The following ZNF721 variants were observed in gnomAD, a reference collection of about 807,000 sequenced individuals.
ZNF721 encodes the protein zinc finger protein 721.
A neutral mutation model predicts 2.4 loss-of-function variants in ZNF721; 2 were observed. The ratio of observed to expected loss-of-function variants is 0.82; its 90% CI spans 0.34 to 2.58. The LOEUF is 2.58. ZNF721 is among the 30% of genes most tolerant of loss of function. ZNF721 has a pLI of 0.11. For missense variants in ZNF721, 1,187 were observed against 1,085.5 expected, an observed-to-expected ratio of 1.09 and a Z score of -1.31; for synonymous variants, 398 against 381.8, an observed-to-expected ratio of 1.04 and a Z score of -0.50.
intron 1 of ZNF721, among the ~76,000 whole-genome samples, chr4:476,837 CTTA>C (rs1560240047): frequency 6.6e-6 from 1 of 152,124 alleles, no homozygotes. Context: ...AGGAATTTGC[CTTA>C]TTTTAGGAGA....
chr4:441,521 TCA>T lies in ZNF721; in HGVS notation c.*172_*173del. The T allele has an allele frequency of 1.7e-6, 1 of 601,604 alleles. No individual in the cohort carries two copies. The highest frequency in any genetic ancestry group is 2.5e-5 in the South Asian group (1 of 40,244). 37.3% of individuals were successfully genotyped at this position (601,604 alleles called of 1,614,324 possible). ...GATTGAGGTGTGATTAAAAGCCTTC[TCA>T]CATTTTTCACATTTTAGAGTTTCTC... On this transcript the variant is annotated 3_prime_UTR_variant, in exon 3 of 3. Transcript: ENST00000511833.
intron 2 of ZNF721, among the ~76,000 whole-genome samples, chr4:469,943 G>A (rs939787345): frequency 2.6e-5 from 4 of 152,050 alleles, no homozygotes; most frequent in South Asian, 2.1e-4. Context: ...GTGCAGTGGC[G>A]CCATCTCGGC....
chr4:472,132 G>A (rs188458869), intron 2 of ZNF721, among the ~76,000 whole-genome samples: 1 of 152,080 alleles, frequency 6.6e-6, no homozygotes, highest in African/African-American at 2.4e-5. Context: ...GCGCAATCTC[G>A]GCTCACTGCA....
chr4:461,921 GAGAA>G (rs1326152720), intron 2 of ZNF721, among the ~76,000 whole-genome samples: 3 of 152,134 alleles, frequency 2.0e-5, no homozygotes, highest in South Asian at 2.1e-4. Flanking sequence ...AATTAGGCAA[GAGAA>G]AGAAAGAAAG....
chr4:443,924 A>C lies in ZNF721; in HGVS notation c.543T>G (p.Thr181=). 6.2e-7 allele frequency: 1 copy of C among 1,614,078 alleles called. No homozygotes were observed. The part of the protein sequence containing the change: ...GKAFNRSTNL[T]AHKRIHNREK... ...CTCTGTTGTGAATTCTCTTATGTGC[A>C]GTAAGGTTTGTTGACCTATTAAAGG... Residue 181 remains threonine (T), a synonymous_variant, in exon 3 of 3, where the codon ACT becomes ACG. Coordinates refer to ENST00000511833, the MANE Select transcript of ZNF721 (RefSeq NM_133474.4).
chr4:443,080 GT>G lies in ZNF721; in HGVS notation c.1386del (p.Lys462AsnfsTer43). Reference protein sequence around the residue: ...KAFIHSLHLNKHEKIHTGKKP... With the variant: ...KAFIHSLHLNXHEKIHTGKKP... Reference sequence around the variant, plus strand: ...TTCTTTCCAGTATGAATTTTCTCATGTTTATTCAGGTGCAAGGAATGTATAA... The same window carrying G: ...TTCTTTCCAGTATGAATTTTCTCATGTTATTCAGGTGCAAGGAATGTATAA... On this transcript the variant is annotated frameshift_variant, in exon 3 of 3. Transcript: ENST00000511833. LOFTEE classifies it low-confidence loss of function (END_TRUNC). 1 of 1,613,834 alleles carries G rather than the reference GT, an allele frequency of 6.2e-7. No homozygotes were observed. The highest frequency in any genetic ancestry group is 8.5e-7 in the Non-Finnish European group (1 of 1,179,830).
In ZNF721 at chr4:458,440, T is replaced by C. The variant is rs540955579; in HGVS notation, c.35-14008A>G. ...AGTCTATAATGACTGAAAGAGGTAT[T>C]TACTCCTTCAGATGCAAGGACATCA... On this transcript the variant is annotated intron_variant, in intron 2 of 2. Coordinates refer to ENST00000511833, the MANE Select transcript of ZNF721 (RefSeq NM_133474.4). 2.9e-4 allele frequency among the ~76,000 whole-genome samples: 44 copies of C among 152,286 alleles called. 1 individual carries two copies. Among genetic ancestry groups the C allele is most frequent in the African/African-American group, 9.9e-4 (41 of 41,550 alleles).
chr4:481,944 T>A (rs1715781943), intron 1 of ZNF721, among the ~76,000 whole-genome samples: 1 of 152,232 alleles, frequency 6.6e-6, no homozygotes, highest in African/African-American at 2.4e-5. Context: ...AAACGTCATA[T>A]AAAATGTTAC....
intron 2 of ZNF721, among the ~76,000 whole-genome samples, chr4:456,828 G>A (rs1216199626): frequency 2.6e-5 from 4 of 152,116 alleles, no homozygotes; most frequent in Admixed American, 6.5e-5. Flanking sequence ...GCAGTGAGCC[G>A]AGACTGTGCC....
At chr4:494,932 C>G (rs1249655493) in intron 1 of ZNF721, among the ~76,000 whole-genome samples, 1 of 151,432 alleles carries the variant, frequency 6.6e-6, no homozygotes, top group Non-Finnish European at 1.5e-5. Flanking sequence ...CACTGTCGCC[C>G]AGGCTGGAGT....
At chr4:457,754 T>C (rs1553865564) in intron 2 of ZNF721, among the ~76,000 whole-genome samples, 1 of 152,166 alleles carries the variant, frequency 6.6e-6, no homozygotes, top group African/African-American at 2.4e-5. Context: ...TCCAAGTCCA[T>C]GCAACCAAAG....
intron 1 of ZNF721, among the ~76,000 whole-genome samples, chr4:486,309 C>T (rs1417961111): frequency 2.0e-5 from 3 of 152,062 alleles, no homozygotes; most frequent in African/African-American, 7.2e-5. Flanking sequence ...CAGGCGTCCG[C>T]CACCATGTCC....
At chr4:459,379 T>C (rs1460004706) in intron 2 of ZNF721, among the ~76,000 whole-genome samples, 1 of 151,960 alleles carries the variant, frequency 6.6e-6, no homozygotes, top group Non-Finnish European at 1.5e-5. Context: ...GACCCATCAG[T>C]GTGCTATATT....
At chr4:472,792 G>A (rs887380154) in intron 1 of ZNF721, 91 bp from the exon 2 acceptor site, 8 of 1,531,352 alleles carry the variant, frequency 5.2e-6, no homozygotes, top group Admixed American at 2.1e-5. Flanking sequence ...GTGACTGACT[G>A]GGATTATCTG....
At chr4:459,283 C>T (rs1321562335) in intron 2 of ZNF721, among the ~76,000 whole-genome samples, 4 of 152,170 alleles carry the variant, frequency 2.6e-5, no homozygotes. Context: ...ATGACAGTAT[C>T]AAATTTACAT....
chr4:441,781 C>T lies in ZNF721; in HGVS notation c.2686G>A (p.Gly896Arg). The T allele has an allele frequency of 6.2e-7, 1 of 1,613,682 alleles. No individual in the cohort carries two copies. Among genetic ancestry groups the T allele is most frequent in the Non-Finnish European group, 8.5e-7 (1 of 1,179,888 alleles). The change falls in exon 3 of 3, where the codon GGA becomes AGA. Residue 896 changes from glycine (G) to arginine (R), a missense_variant. By Grantham distance (125) the Gly-to-Arg change is moderately radical. Transcript: ENST00000511833. ...TGTCTAAAGGTTTTGCCACAGTCTC[C>T]ACACGTGTAGGGTTTCTCTCCAGTA... Reference protein sequence around the residue: ...IHTGEKPYTCGDCGKTFRQSA... With the variant: ...IHTGEKPYTCRDCGKTFRQSA...
intron 2 of ZNF721, among the ~76,000 whole-genome samples, chr4:455,950 C>T (rs1440660867): frequency 2.0e-5 from 3 of 152,120 alleles, no homozygotes; most frequent in African/African-American, 7.2e-5. Flanking sequence ...ACAAGTGTTT[C>T]TCTCACAAAA....
At chr4:497,540 G>A (rs1016390409) in intron 1 of ZNF721, among the ~76,000 whole-genome samples, 7 of 152,018 alleles carry the variant, frequency 4.6e-5, no homozygotes, top group African/African-American at 1.5e-4. Context: ...AGGTGGTCGG[G>A]GCACAGCTTG....
intron 1 of ZNF721, among the ~76,000 whole-genome samples, chr4:484,472 C>G (rs879985731): frequency 3.3e-5 from 5 of 152,220 alleles, no homozygotes; most frequent in Non-Finnish European, 7.3e-5. Context: ...TGTTTCTCTT[C>G]TTTCAAAAGC....
Sources: gnomAD v4.1 joint callset for allele counts (sites outside exome capture counted in the v4.1 genomes callset) on GRCh38, gnomAD v4.1.1 for gene constraint, MANE v1.5 for transcripts, NCBI Gene and HGNC (gene_info 2026-07-23, HGNC 2026-07-21) for gene names.